The following ERCC6L2 variants were observed in gnomAD, a reference collection of about 807,000 sequenced individuals.
ERCC6L2 encodes ERCC excision repair 6 like 2, also known as DNA excision repair protein ERCC-6-like 2.
Under a neutral mutation model 132.0 loss-of-function variants are expected in ERCC6L2, and 77 were observed. That is an observed-to-expected ratio of 0.58 (90% confidence interval 0.49 to 0.71). The LOEUF (loss-of-function observed/expected upper bound fraction) is 0.71, where lower values mean the gene tolerates loss of function less well. Among genes scored for constraint, ERCC6L2 ranks in the 30% least tolerant of loss-of-function variants. The probability of loss-of-function intolerance (pLI) is 0.00; values close to 1 mark genes in which losing one functional copy is unlikely to be tolerated. For missense variants in ERCC6L2, 1,542 were observed against 1,837.6 expected (o/e 0.84, Z 2.94); for synonymous variants, 583 against 632.4 (o/e 0.92, Z 1.17).
At chr9:95,979,271 A>G (rs555043124) in intron 17 of ERCC6L2, among the ~76,000 whole-genome samples, 133 of 152,180 alleles carry the variant, frequency 8.7e-4, no homozygotes, top group Non-Finnish European at 4.7e-4. Flanking sequence ...CCTAGCTGGC[A>G]TTAATGTCTG....
intron 3 of ERCC6L2, among the ~76,000 whole-genome samples, chr9:95,905,978 G>A (rs1829014798): frequency 6.6e-6 from 1 of 152,176 alleles, no homozygotes; most frequent in South Asian, 2.1e-4. Context: ...GATAGGAATA[G>A]TGGTAACAGG....
downstream of ERCC6L2, among the ~76,000 whole-genome samples, chr9:96,018,623 G>A (rs1408571529): frequency 7.6e-6 from 1 of 132,074 alleles, no homozygotes; most frequent in Non-Finnish European, 1.6e-5. Flanking sequence ...ACCCTGCCCG[G>A]CTAATTTTTG....
At chr9:95,925,662 T>C (rs1166561491) in intron 9 of ERCC6L2, among the ~76,000 whole-genome samples, 1 of 152,252 alleles carries the variant, frequency 6.6e-6, no homozygotes, top group Non-Finnish European at 1.5e-5. Context: ...CATTTACTTT[T>C]CCTGTGACTT....
intron 17 of ERCC6L2, among the ~76,000 whole-genome samples, chr9:95,990,604 C>T (rs1311888945): frequency 6.6e-6 from 1 of 152,156 alleles, no homozygotes; most frequent in East Asian, 1.9e-4. Flanking sequence ...CGCTGCTGGC[C>T]ACTGCTCATA....
downstream of ERCC6L2, chr9:96,021,879 G>C (rs1041242582): frequency 6.6e-5 from 10 of 152,532 alleles, no homozygotes; most frequent in Admixed American, 5.9e-4. The surrounding 1 kb of genome is among the most constrained non-coding windows in gnomAD (Gnocchi z 4.7). Context: ...GGGCGCCTAG[G>C]GGGTTCCGAG....
At chr9:95,923,775 A>G (rs1829983169) in intron 9 of ERCC6L2, among the ~76,000 whole-genome samples, 1 of 152,192 alleles carries the variant, frequency 6.6e-6, no homozygotes. Context: ...AATTAGAGAA[A>G]GGAATTTCTT....
Position 96,014,784 on chromosome 9 carries a change from T to C in ERCC6L2, c.*1581T>C, listed in dbSNP as rs146512560. Among the ~76,000 whole-genome samples the C allele has an allele frequency of 6.3e-4, 96 of 152,282 alleles. 1 individual carries two copies. In the East Asian group the frequency reaches 0.013, roughly 21 times the overall value. On this transcript the variant is annotated 3_prime_UTR_variant, in exon 19 of 19. Coordinates refer to ENST00000653738, the MANE Select transcript of ERCC6L2 (RefSeq NM_020207.7). ...TTGTGTCCAGACTTACCAGATGGTA[T>C]GTTTTGCCATTGAGGGGCCTTCTAC...
rs1832438070 is a variant in ERCC6L2, at chr9:95,972,052, A to C, written c.2301A>C (p.Gly767=). Residue 767 remains glycine (G), a synonymous_variant, in exon 16 of 19, where the codon GGA becomes GGC. Transcript: ENST00000653738. ...FSDEEPVGAT[G]IKTAKNKAPD... is the part of the protein sequence containing the mutation. Reference sequence around the variant, plus strand: ...ATGAAGAGCCAGTGGGAGCCACAGGAATAAAGACTGCCAAAAACAAAGCAC... The same window carrying C: ...ATGAAGAGCCAGTGGGAGCCACAGGCATAAAGACTGCCAAAAACAAAGCAC... 7.7e-7 allele frequency: 1 copy of C among 1,304,184 alleles called. No homozygotes were observed. The highest frequency in any genetic ancestry group is 1.5e-5 in the African/African-American group (1 of 65,880). The allele number at this position is 1,304,184 out of a possible 1,614,324, so 80.8% of individuals were successfully genotyped here.
intron 9 of ERCC6L2, among the ~76,000 whole-genome samples, chr9:95,926,202 TA>T (rs982936301): frequency 6.6e-6 from 1 of 152,188 alleles, no homozygotes; most frequent in African/African-American, 2.4e-5. Context: ...AGCTCTTAAC[TA>T]AAAAATATTA....
intron 2 of ERCC6L2, among the ~76,000 whole-genome samples, chr9:95,891,541 T>C (rs1205718550): frequency 6.6e-6 from 1 of 152,136 alleles, no homozygotes; most frequent in Non-Finnish European, 1.5e-5. Context: ...ACATTTCTCT[T>C]GTGTGTATTC....
intron 9 of ERCC6L2, 150 bp downstream of exon 9, chr9:95,923,529 T>C: frequency 1.2e-6 from 1 of 849,272 alleles, no homozygotes; most frequent in Non-Finnish European, 1.8e-6. Context: ...TATCAGCATT[T>C]ACTAGGTCAC....
chr9:95,915,839 A>T lies in ERCC6L2; in HGVS notation c.950+10A>T. 1 of 1,575,708 alleles carries T rather than the reference A, an allele frequency of 6.3e-7. No homozygotes were observed. Among genetic ancestry groups the T allele is most frequent in the Non-Finnish European group, 8.6e-7 (1 of 1,164,938 alleles). On this transcript the variant is annotated intron_variant, in intron 5 of 18. Coordinates refer to ENST00000653738, the MANE Select transcript of ERCC6L2 (RefSeq NM_020207.7). ...GGTGTGTTATGGACTGGTGAGAGAA[A>T]ACACTTTTTAAAAAATTGTTTAATA...
intron 9 of ERCC6L2, among the ~76,000 whole-genome samples, chr9:95,923,796 A>T (rs1829983974): frequency 6.6e-6 from 1 of 152,192 alleles, no homozygotes; most frequent in African/African-American, 2.4e-5. Flanking sequence ...GAAGAGTTTA[A>T]GATGGGCAAG....
intron 4 of ERCC6L2, among the ~76,000 whole-genome samples, chr9:95,908,979 C>T (rs778119351): frequency 1.2e-4 from 18 of 152,036 alleles, no homozygotes; most frequent in Non-Finnish European, 2.4e-4. Context: ...GTAAAAAAAT[C>T]ACTAATTAGC....
At chr9:96,008,843 C>T (rs917871661) in intron 18 of ERCC6L2, among the ~76,000 whole-genome samples, 1 of 152,194 alleles carries the variant, frequency 6.6e-6, no homozygotes, top group Admixed American at 6.5e-5. Context: ...GTGGTGCCTC[C>T]TGGCTTGACA....
At chr9:96,029,354 A>T (rs1303360636) in intron 19 of ERCC6L2, among the ~76,000 whole-genome samples, 15 of 150,294 alleles carry the variant, frequency 1.0e-4, no homozygotes, top group African/African-American at 3.2e-4. Context: ...TACAGTTAGG[A>T]TAAGTTAGTT....
chr9:95,976,207 GCTCT>G (rs1304569572), intron 16 of ERCC6L2, among the ~76,000 whole-genome samples: 3 of 151,936 alleles, frequency 2.0e-5, no homozygotes, highest in Non-Finnish European at 4.4e-5. Flanking sequence ...CTTTCCTCTC[GCTCT>G]CTCTCCCTTG....
intron 8 of ERCC6L2, 41 bp from the exon 9 acceptor site, chr9:95,923,219 G>T: frequency 6.2e-7 from 1 of 1,604,114 alleles, no homozygotes. Flanking sequence ...GTTTGAATGT[G>T]TTAAGTGGAA....
chr9:95,929,354 T>C (rs1830239101), intron 11 of ERCC6L2, among the ~76,000 whole-genome samples: 1 of 152,222 alleles, frequency 6.6e-6, no homozygotes, highest in South Asian at 2.1e-4. Flanking sequence ...AACCCCTATG[T>C]ATGAATATCC....
Sources: gnomAD v4.1 joint callset for allele counts (sites outside exome capture counted in the v4.1 genomes callset) on GRCh38, gnomAD v4.1.1 for gene constraint, Gnocchi (gnomAD v3.1) non-coding constraint, MANE v1.5 for transcripts, NCBI Gene and HGNC (gene_info 2026-07-23, HGNC 2026-07-21) for gene names.